ZFHX4: variants seen among roughly 807,000 people sequenced by gnomAD.
The protein encoded by ZFHX4 is zinc finger homeobox 4, also known as zinc finger homeobox protein 4.
A neutral mutation model predicts 267.6 loss-of-function variants in ZFHX4; 56 were observed. That is an observed-to-expected ratio of 0.21 (90% CI 0.17 to 0.26). The LOEUF (loss-of-function observed/expected upper bound fraction) is 0.26, where lower values mean the gene tolerates loss of function less well. ZFHX4 is among the 10% of genes least tolerant of loss of function. The pLI is 1.00. For missense variants in ZFHX4, 4,332 were observed against 4,420.0 expected, an observed-to-expected ratio of 0.98 and a Z score of 0.56; for synonymous variants, 1,778 against 1,665.6, an observed-to-expected ratio of 1.07 and a Z score of -1.64.
intron 3 of ZFHX4, among the ~76,000 whole-genome samples, chr8:76,758,341 A>G (rs1161632577): frequency 1.3e-5 from 2 of 152,170 alleles, no homozygotes; most frequent in Non-Finnish European, 2.9e-5. Flanking sequence ...AAATAAAGAA[A>G]CATGCGTAAA....
chr8:76,835,240 T>C (rs1812050048), intron 5 of ZFHX4, among the ~76,000 whole-genome samples: 1 of 117,446 alleles, frequency 8.5e-6, no homozygotes, highest in East Asian at 2.4e-4. Context: ...TATATATATA[T>C]GTATATATAT....
At chr8:76,701,864 C>G (rs1808114989) in intron 1 of ZFHX4, among the ~76,000 whole-genome samples, 1 of 152,080 alleles carries the variant, frequency 6.6e-6, no homozygotes, top group African/African-American at 2.4e-5. Context: ...TGGGGAAAAT[C>G]ACCCTCGGTT....
intron 4 of ZFHX4, among the ~76,000 whole-genome samples, chr8:76,800,678 G>A (rs923473495): frequency 2.0e-5 from 3 of 152,154 alleles, no homozygotes; most frequent in Non-Finnish European, 4.4e-5. Flanking sequence ...TCTGGACCAC[G>A]TTATGAATAA....
intron 1 of ZFHX4, among the ~76,000 whole-genome samples, chr8:76,696,524 GA>G (rs1442469980): frequency 6.6e-6 from 1 of 151,366 alleles, no homozygotes; most frequent in East Asian, 1.9e-4. Flanking sequence ...AATTATGGTT[GA>G]CGGTTGTTTA....
chr8:76,709,544 T>C (rs1808366916), intron 3 of ZFHX4, among the ~76,000 whole-genome samples: 1 of 152,164 alleles, frequency 6.6e-6, no homozygotes. Flanking sequence ...AAACATTAAG[T>C]TTGTATAAAT....
chr8:76,803,365 G>C (rs1303275043), intron 4 of ZFHX4, among the ~76,000 whole-genome samples: 1 of 151,838 alleles, frequency 6.6e-6, no homozygotes, highest in Non-Finnish European at 1.5e-5. Context: ...ATTTTTAAAA[G>C]GTAAAATAGC....
intron 10 of ZFHX4, among the ~76,000 whole-genome samples, chr8:76,858,661 G>A (rs1812792697): frequency 6.6e-6 from 1 of 152,168 alleles, no homozygotes; most frequent in African/African-American, 2.4e-5. Flanking sequence ...GCTCAGTAGA[G>A]CTGTGGTTCT....
In ZFHX4 at chr8:76,864,145, A is replaced by G. The variant is rs368111328; in HGVS notation, c.10431A>G (p.Lys3477=). The change falls in exon 11 of 11, where the codon AAA becomes AAG. Residue 3477 remains lysine (K), a synonymous_variant. Coordinates refer to ENST00000651372, the MANE Select transcript of ZFHX4 (RefSeq NM_024721.5). ...QSSLHKEKTI[K]QAMRNAKEHV... is the part of the protein sequence containing the mutation. ...GCTTGCACAAAGAGAAAACAATCAA[A>G]CAAGCAATGAGAAATGCCAAAGAGC... 133 of 1,613,786 alleles carry G rather than the reference A, an allele frequency of 8.2e-5. No homozygotes were observed. The highest frequency in any genetic ancestry group is 6.4e-5 in the Non-Finnish European group (75 of 1,179,856).
chr8:76,809,762 G>A (rs1360985685), intron 4 of ZFHX4, among the ~76,000 whole-genome samples: 1 of 152,050 alleles, frequency 6.6e-6, no homozygotes, highest in African/African-American at 2.4e-5. Flanking sequence ...TTTGGATTGG[G>A]AAGGTGAATC....
intron 3 of ZFHX4, among the ~76,000 whole-genome samples, chr8:76,776,242 AT>A (rs1267590077): frequency 1.3e-5 from 2 of 152,050 alleles, no homozygotes; most frequent in Non-Finnish European, 2.9e-5. Context: ...TTGAATACCA[AT>A]TGGGGTGAAT....
chr8:76,850,321 C>T lies in ZFHX4; in HGVS notation c.3923C>T (p.Thr1308Ile), dbSNP rs746145099. 5 of 1,612,898 alleles carry T rather than the reference C, an allele frequency of 3.1e-6. No homozygotes were observed. The highest frequency in any genetic ancestry group is 1.1e-5 in the South Asian group (1 of 90,734). The stretch of plus-strand genomic sequence containing the variant: ...GCCTCTGAGAAATCAGAGCGGGACA[C>T]ACCTGCAGCCGTGACAGCTGAGGGG... ...AAASEKSERD[T>I]PAAVTAEGSG... The change falls in exon 9 of 11, where the codon ACA (threonine) becomes ATA (isoleucine). Residue 1308 changes from threonine to isoleucine, a missense_variant. Transcript: ENST00000651372.
At chr8:76,837,427 G>A (rs1167334923) in intron 5 of ZFHX4, among the ~76,000 whole-genome samples, 2 of 150,008 alleles carry the variant, frequency 1.3e-5, no homozygotes, top group Non-Finnish European at 3.0e-5. Flanking sequence ...GAATTAATAT[G>A]AACAGAAACC....
chr8:76,776,822 G>A (rs571444505), intron 3 of ZFHX4, among the ~76,000 whole-genome samples: 19 of 152,084 alleles, frequency 1.2e-4, no homozygotes, highest in South Asian at 4.2e-4. Context: ...GTCCATGAGC[G>A]TTAACCAAAT....
intron 3 of ZFHX4, among the ~76,000 whole-genome samples, chr8:76,751,643 A>G (rs1182530150): frequency 6.6e-6 from 1 of 152,236 alleles, no homozygotes; most frequent in Non-Finnish European, 1.5e-5. Flanking sequence ...GTGGGAAAGA[A>G]GATGAGATAA....
At chr8:76,789,233 T>G (rs1339629612) in intron 4 of ZFHX4, among the ~76,000 whole-genome samples, 1 of 152,154 alleles carries the variant, frequency 6.6e-6, no homozygotes, top group African/African-American at 2.4e-5. Flanking sequence ...TTTGACTGTC[T>G]ACAAAATGGT....
intron 3 of ZFHX4, among the ~76,000 whole-genome samples, chr8:76,740,050 C>T (rs1809274727): frequency 6.6e-6 from 1 of 152,034 alleles, no homozygotes; most frequent in South Asian, 2.1e-4. Context: ...GATATTAGAC[C>T]ATTTATATAT....
intron 3 of ZFHX4, among the ~76,000 whole-genome samples, chr8:76,767,112 C>T (rs1229381009): frequency 2.6e-5 from 4 of 151,352 alleles, no homozygotes; most frequent in Non-Finnish European, 5.9e-5. Context: ...CGTGACACTG[C>T]GTGACATGAA....
intron 5 of ZFHX4, among the ~76,000 whole-genome samples, chr8:76,839,653 T>A (rs1160186423): frequency 7.2e-5 from 11 of 152,216 alleles, no homozygotes; most frequent in Admixed American, 7.2e-4. Flanking sequence ...TTGCATGTAA[T>A]ATATTAGTGA....
chr8:76,837,062 TACTA>T (rs1563550119), intron 5 of ZFHX4, among the ~76,000 whole-genome samples: 3 of 152,106 alleles, frequency 2.0e-5, no homozygotes, highest in African/African-American at 4.8e-5. Context: ...GATTTTGGCA[TACTA>T]AACTAGATAG....
Sources: allele counts gnomAD v4.1 joint callset (sites outside exome capture counted in the v4.1 genomes callset), GRCh38; gene constraint gnomAD v4.1.1; transcripts MANE v1.5; gene names NCBI Gene and HGNC (gene_info 2026-07-23, HGNC 2026-07-21).